Variants in SAMD12 observed in about 807,000 individuals in gnomAD.
SAMD12 encodes sterile alpha motif domain containing 12.
SAMD12 carries 9 observed loss-of-function variants against 15.0 expected under a neutral mutation model. The ratio of observed to expected loss-of-function variants is 0.60; its 90% confidence interval spans 0.36 to 1.05. SAMD12 has a LOEUF of 1.05. SAMD12 is among the 50% of genes least tolerant of loss of function. The pLI is 0.01. For missense variants in SAMD12, 230 were observed against 234.2 expected (o/e 0.98, Z 0.12); for synonymous variants, 86 against 90.1 (o/e 0.96, Z 0.25).
intron 1 of SAMD12, among the ~76,000 whole-genome samples, chr8:118,610,440 C>T (rs549544697): frequency 5.3e-5 from 8 of 152,164 alleles, no homozygotes; most frequent in Non-Finnish European, 1.2e-4. Flanking sequence ...CGGCAGACAT[C>T]GCTACAAAGC....
downstream of SAMD12, among the ~76,000 whole-genome samples, chr8:118,185,730 A>G (rs17507075): frequency 0.029 from 4,481 of 152,266 alleles, 223 homozygotes; most frequent in African/African-American, 0.099. Context: ...AGGTTATGCA[A>G]CTGTTCCCCC....
chr8:118,589,598 T>C (rs1483505455), intron 1 of SAMD12, among the ~76,000 whole-genome samples: 1 of 152,224 alleles, frequency 6.6e-6, no homozygotes, highest in Non-Finnish European at 1.5e-5. Context: ...TTAACTCTTC[T>C]CATTCATGAG....
chr8:118,185,522 A>G (rs1819228384), downstream of SAMD12, among the ~76,000 whole-genome samples: 1 of 152,200 alleles, frequency 6.6e-6, no homozygotes, highest in South Asian at 2.1e-4. Context: ...CACTCAGAAT[A>G]ATGGCCTCCA....
At chr8:118,558,491 T>C (rs1826609869) in intron 2 of SAMD12, among the ~76,000 whole-genome samples, 1 of 152,236 alleles carries the variant, frequency 6.6e-6, no homozygotes, top group Non-Finnish European at 1.5e-5. Flanking sequence ...AAGGATGCAC[T>C]GCTAGACCAC....
intron 2 of SAMD12, among the ~76,000 whole-genome samples, chr8:118,483,402 A>G (rs1824185222): frequency 6.6e-6 from 1 of 152,226 alleles, no homozygotes; most frequent in Non-Finnish European, 1.5e-5. Flanking sequence ...ATCACTTTCT[A>G]CATTTATTGC....
At chr8:118,337,030 A>G (rs1406838154) in intron 4 of SAMD12, among the ~76,000 whole-genome samples, 2 of 152,238 alleles carry the variant, frequency 1.3e-5, no homozygotes, top group East Asian at 3.9e-4. Context: ...AGAAGGGGGG[A>G]GGGATAGCAT....
chr8:118,134,839 C>G, the SAMD12 span, among the ~76,000 whole-genome samples: 3 of 152,194 alleles, frequency 2.0e-5, no homozygotes, highest in Non-Finnish European at 2.9e-5. Context: ...AGAGCAAACT[C>G]ACTCCCTCAC....
downstream of SAMD12, among the ~76,000 whole-genome samples, chr8:118,186,653 A>T (rs1376455895): frequency 1.3e-5 from 2 of 152,110 alleles, no homozygotes; most frequent in African/African-American, 4.8e-5. Context: ...TAGTATTATC[A>T]TATCCCTTTT....
chr8:118,257,114 T>C (rs1812964236), intron 4 of SAMD12, among the ~76,000 whole-genome samples: 1 of 152,118 alleles, frequency 6.6e-6, no homozygotes, highest in Non-Finnish European at 1.5e-5. Flanking sequence ...TCAGAACCAC[T>C]GATGGCTGCT....
chr8:118,167,374 C>T, the SAMD12 span, among the ~76,000 whole-genome samples: 1 of 152,122 alleles, frequency 6.6e-6, no homozygotes, highest in African/African-American at 2.4e-5. Context: ...GCTCCTGGGC[C>T]TGGCGTGTTA....
At chr8:118,390,731 G>C (rs1288194376) in intron 3 of SAMD12, among the ~76,000 whole-genome samples, 2 of 152,064 alleles carry the variant, frequency 1.3e-5, no homozygotes, top group Non-Finnish European at 2.9e-5. Flanking sequence ...TCACTCACTT[G>C]GTTACATTTA....
chr8:118,438,594 T>C (rs1437730982), intron 3 of SAMD12, among the ~76,000 whole-genome samples: 1 of 152,048 alleles, frequency 6.6e-6, no homozygotes, highest in Non-Finnish European at 1.5e-5. Flanking sequence ...AACCATCGAC[T>C]GAGACCTATT....
chr8:118,318,738 T>C (rs956144522), intron 4 of SAMD12, among the ~76,000 whole-genome samples: 6 of 152,064 alleles, frequency 3.9e-5, no homozygotes, highest in African/African-American at 1.4e-4. Flanking sequence ...AAATTGCTTG[T>C]ATTTGCTTGA....
intron 2 of SAMD12, among the ~76,000 whole-genome samples, chr8:118,562,599 G>A (rs1189886535): frequency 6.6e-6 from 1 of 151,906 alleles, no homozygotes; most frequent in Non-Finnish European, 1.5e-5. Flanking sequence ...ACCAAAAAAG[G>A]GGAATGATGA....
intron 4 of SAMD12, among the ~76,000 whole-genome samples, chr8:118,203,199 C>A (rs1193211915): frequency 6.6e-6 from 1 of 152,172 alleles, no homozygotes; most frequent in African/African-American, 2.4e-5. Flanking sequence ...TAAAAGAATT[C>A]TCATCAAACA....
chr8:118,428,345 C>A (rs1822296337), intron 3 of SAMD12, among the ~76,000 whole-genome samples: 1 of 151,572 alleles, frequency 6.6e-6, no homozygotes, highest in African/African-American at 2.4e-5. Context: ...GCCATGGGAT[C>A]TTTTGTGCCA....
intron 4 of SAMD12, among the ~76,000 whole-genome samples, chr8:118,352,854 C>A (rs978790963): frequency 6.6e-6 from 1 of 152,068 alleles, no homozygotes; most frequent in Non-Finnish European, 1.5e-5. Context: ...GTAGAGCCAG[C>A]AAATGACTGA....
chr8:118,314,069 T>C (rs1490547165), intron 4 of SAMD12, among the ~76,000 whole-genome samples: 1 of 152,324 alleles, frequency 6.6e-6, no homozygotes, highest in South Asian at 2.1e-4. Context: ...TAAATGTTCC[T>C]AATTTCAGAT....
At chr8:118,196,209 A>C (rs1438194325) in exon 5 of SAMD12, 1 of 152,212 alleles carries the variant, frequency 6.6e-6, no homozygotes, top group Non-Finnish European at 1.5e-5. Flanking sequence ...GACAATGCTT[A>C]TGTATCTGGA....
Sources: allele counts gnomAD v4.1 joint callset (sites outside exome capture counted in the v4.1 genomes callset), GRCh38; gene constraint gnomAD v4.1.1; transcripts MANE v1.5; gene names NCBI Gene and HGNC (gene_info 2026-07-23, HGNC 2026-07-21).